The following RGS6 variants were observed in gnomAD, a reference collection of about 807,000 sequenced individuals.
RGS6 encodes regulator of G-protein signaling 6.
Under a neutral mutation model 78.5 loss-of-function variants are expected in RGS6, and 30 were observed. The ratio of observed to expected loss-of-function variants is 0.38; its 90% CI spans 0.29 to 0.52. RGS6 has a LOEUF of 0.52. RGS6 is among the 20% of genes least tolerant of loss of function. The pLI, the probability that RGS6 is intolerant of heterozygous loss-of-function variation, is 0.85. For synonymous variants in RGS6, 206 were observed against 206.0 expected, an observed-to-expected ratio of 1.00 and a Z score of 0.00; for missense variants, 495 against 609.7, an observed-to-expected ratio of 0.81 and a Z score of 1.98.
rs2153557105 is a variant in RGS6, at chr14:72,562,564, T to G, written c.*97T>G. ...GACAGAGTTTCCTTACGAGGAGACT[T>G]GGTCACTGTGAAGGAGAAAGAGTGA... is the stretch of plus-strand genomic sequence containing the variant. On this transcript the variant is annotated 3_prime_UTR_variant, in exon 18 of 18. Coordinates refer to ENST00000553525, the MANE Select transcript of RGS6 (RefSeq NM_001204424.2). The G allele has an allele frequency of 6.4e-7, 1 of 1,571,538 alleles. No homozygotes were observed. Among genetic ancestry groups the G allele is most frequent in the South Asian group, 1.1e-5 (1 of 87,654 alleles).
At chr14:72,230,257 T>G (rs2153808978) in intron 2 of RGS6, among the ~76,000 whole-genome samples, 1 of 152,300 alleles carries the variant, frequency 6.6e-6, no homozygotes, top group South Asian at 2.1e-4. Context: ...TGGTTGTCTC[T>G]TGGGAGTTAT....
chr14:72,599,925 A>C, the RGS6 span, among the ~76,000 whole-genome samples: 1 of 151,998 alleles, frequency 6.6e-6, no homozygotes, highest in African/African-American at 2.4e-5. Context: ...GCTTCCATCC[A>C]CACCTGTCCT....
chr14:72,399,461 A>G (rs2092042002), intron 3 of RGS6, among the ~76,000 whole-genome samples: 1 of 152,210 alleles, frequency 6.6e-6, no homozygotes, highest in South Asian at 2.1e-4. Context: ...AATACAGCAC[A>G]CTGCTGGGTC....
intron 2 of RGS6, among the ~76,000 whole-genome samples, chr14:72,047,898 G>GTTTTT (rs869098348): frequency 1.3e-4 from 4 of 29,656 alleles, no homozygotes; most frequent in Non-Finnish European, 1.8e-4. Flanking sequence ...GCTAATTTTT[G>GTTTTT]TTTTTTTTTT....
chr14:71,876,066 T>C, the RGS6 span, among the ~76,000 whole-genome samples: 2 of 152,218 alleles, frequency 1.3e-5, no homozygotes, highest in African/African-American at 4.8e-5. Context: ...TACTTCCAAC[T>C]ATGTGGTCAA....
chr14:72,000,738 A>G (rs1487148510), intron 2 of RGS6, among the ~76,000 whole-genome samples: 3 of 152,186 alleles, frequency 2.0e-5, no homozygotes, highest in Admixed American at 1.3e-4. Flanking sequence ...GGAATGTTGC[A>G]TGCCACAGAA....
At chr14:72,493,443 C>T (rs934915367) in intron 12 of RGS6, among the ~76,000 whole-genome samples, 3 of 151,136 alleles carry the variant, frequency 2.0e-5, no homozygotes, top group Non-Finnish European at 4.4e-5. Flanking sequence ...AACAAAAAGA[C>T]AAGGAGATGA....
chr14:72,268,153 A>G (rs1302640292), intron 2 of RGS6, among the ~76,000 whole-genome samples: 1 of 152,220 alleles, frequency 6.6e-6, no homozygotes, highest in Non-Finnish European at 1.5e-5. Context: ...TGCATCCAGC[A>G]CATTGTAGGA....
chr14:71,927,514 G>A (rs2087731935), upstream of RGS6, among the ~76,000 whole-genome samples: 1 of 152,178 alleles, frequency 6.6e-6, no homozygotes, highest in Admixed American at 6.5e-5. Context: ...TATGCAATTA[G>A]TGGTAACAGA....
intron 3 of RGS6, among the ~76,000 whole-genome samples, chr14:72,369,136 G>A (rs1227719296): frequency 6.6e-6 from 1 of 152,210 alleles, no homozygotes; most frequent in Non-Finnish European, 1.5e-5. Context: ...TGAGCCACAT[G>A]TGGCCCATGG....
intron 2 of RGS6, among the ~76,000 whole-genome samples, chr14:72,188,536 C>T (rs1205402152): frequency 3.9e-5 from 6 of 152,020 alleles, no homozygotes; most frequent in Admixed American, 2.0e-4. Context: ...AAAAAATTAC[C>T]AATAATCCCA....
chr14:72,386,224 T>C, intron 3 of RGS6, among the ~76,000 whole-genome samples: 1 of 152,120 alleles, frequency 6.6e-6, no homozygotes, highest in Non-Finnish European at 1.5e-5. Flanking sequence ...CAAAATCATG[T>C]TTGATGTCAA....
At chr14:72,255,564 G>C (rs2056896960) in intron 2 of RGS6, among the ~76,000 whole-genome samples, 1 of 152,068 alleles carries the variant, frequency 6.6e-6, no homozygotes, top group Non-Finnish European at 1.5e-5. Flanking sequence ...TTTCTCATTG[G>C]TTCCCAGAGA....
At chr14:71,897,611 C>T in the RGS6 span, among the ~76,000 whole-genome samples, 1 of 152,152 alleles carries the variant, frequency 6.6e-6, no homozygotes, top group African/African-American at 2.4e-5. Context: ...ACCTCCACCT[C>T]CTGGGTTCAA....
intron 2 of RGS6, among the ~76,000 whole-genome samples, chr14:72,341,014 C>T (rs2076884608): frequency 6.6e-6 from 1 of 152,030 alleles, no homozygotes; most frequent in Non-Finnish European, 1.5e-5. Context: ...GTTCTTGCCT[C>T]GCAGCCTTGG....
chr14:72,249,739 A>C (rs1311290317), intron 2 of RGS6, among the ~76,000 whole-genome samples: 1 of 152,146 alleles, frequency 6.6e-6, no homozygotes, highest in African/African-American at 2.4e-5. Flanking sequence ...GTGAGGAGTA[A>C]GAGGGGTGAG....
intron 2 of RGS6, among the ~76,000 whole-genome samples, chr14:72,197,723 C>A (rs994885063): frequency 2.0e-5 from 3 of 152,042 alleles, no homozygotes; most frequent in Non-Finnish European, 4.4e-5. Context: ...TGGCAGTTTT[C>A]AGCTGGAGGT....
chr14:72,227,690 G>A (rs1308466750), intron 2 of RGS6, among the ~76,000 whole-genome samples: 2 of 152,146 alleles, frequency 1.3e-5, no homozygotes, highest in Non-Finnish European at 2.9e-5. Context: ...AGATGTTAAA[G>A]TTTTAGAATC....
At chr14:72,627,667 T>C in the RGS6 span, among the ~76,000 whole-genome samples, 1 of 152,108 alleles carries the variant, frequency 6.6e-6, no homozygotes, top group East Asian at 1.9e-4. Flanking sequence ...TAAGTATCGA[T>C]TTGTCTAACT....
Sources: gnomAD v4.1 joint callset for allele counts (sites outside exome capture counted in the v4.1 genomes callset) on GRCh38, gnomAD v4.1.1 for gene constraint, MANE v1.5 for transcripts, NCBI Gene and HGNC (gene_info 2026-07-23, HGNC 2026-07-21) for gene names.